The following C8orf34 variants were observed in gnomAD, a reference collection of about 807,000 sequenced individuals.
C8orf34 encodes the protein chromosome 8 open reading frame 34, also known as uncharacterized protein C8orf34.
A neutral mutation model predicts 68.3 loss-of-function variants in C8orf34; 65 were observed. The ratio of observed to expected loss-of-function variants is 0.95; its 90% CI spans 0.78 to 1.17. The LOEUF is 1.17. C8orf34 is among the 50% of genes most tolerant of loss of function. C8orf34 has a pLI of 0.00. For missense variants in C8orf34, 664 were observed against 655.4 expected (o/e 1.01, Z -0.14); for synonymous variants, 244 against 241.2 (o/e 1.01, Z -0.11).
At chr8:68,752,350 A>G (rs1310509768) in intron 10 of C8orf34, among the ~76,000 whole-genome samples, 1 of 152,138 alleles carries the variant, frequency 6.6e-6, no homozygotes. Context: ...TTGTAAGTTC[A>G]TTGCTCATCC....
At chr8:68,769,529 C>T (rs1465953420) in intron 10 of C8orf34, among the ~76,000 whole-genome samples, 2 of 151,938 alleles carry the variant, frequency 1.3e-5, no homozygotes, top group African/African-American at 2.4e-5. Flanking sequence ...TTTCTCAGCT[C>T]AAGGTGAAAG....
chr8:68,423,527 C>T (rs1810073398), intron 1 of C8orf34, among the ~76,000 whole-genome samples: 1 of 152,186 alleles, frequency 6.6e-6, no homozygotes, highest in Non-Finnish European at 1.5e-5. Context: ...CCCACATCTT[C>T]CTATCTTCTG....
chr8:68,465,707 A>T (rs1429812925), intron 3 of C8orf34, among the ~76,000 whole-genome samples: 1 of 151,878 alleles, frequency 6.6e-6, no homozygotes, highest in African/African-American at 2.4e-5. Context: ...AAGGACAAAA[A>T]ACCAAACACC....
chr8:68,815,979 G>C, intron 13 of C8orf34, 34 bp downstream of exon 13: 1 of 1,613,188 alleles, frequency 6.2e-7, no homozygotes, highest in Non-Finnish European at 8.5e-7. Flanking sequence ...TATCGATGTC[G>C]GGTAATGGCG....
intron 1 of C8orf34, among the ~76,000 whole-genome samples, chr8:68,369,120 T>G (rs964909252): frequency 6.6e-6 from 1 of 152,226 alleles, no homozygotes; most frequent in Non-Finnish European, 1.5e-5. Flanking sequence ...AGCAGACAAG[T>G]AATAAATATT....
intron 7 of C8orf34, among the ~76,000 whole-genome samples, chr8:68,578,090 A>T (rs1173778715): frequency 6.6e-6 from 1 of 151,982 alleles, no homozygotes; most frequent in South Asian, 2.1e-4. Context: ...AAAATAAAGG[A>T]AGGAAGAAGG....
chr8:68,417,973 G>A (rs1809753529), intron 1 of C8orf34, among the ~76,000 whole-genome samples: 1 of 150,616 alleles, frequency 6.6e-6, no homozygotes, highest in Non-Finnish European at 1.5e-5. Context: ...ATTTCCTTGA[G>A]CAGTGGTTTG....
At chr8:68,516,050 A>G (rs1251638111) in intron 5 of C8orf34, among the ~76,000 whole-genome samples, 1 of 152,224 alleles carries the variant, frequency 6.6e-6, no homozygotes, top group Admixed American at 6.5e-5. Context: ...TTGTGTTCCA[A>G]AAACTTCCTT....
rs537696373 is a variant in C8orf34 at position 68,664,613 on chromosome 8, C to T, written c.1241+24102C>T. On this transcript the variant is annotated intron_variant, in intron 8 of 13. Coordinates refer to ENST00000518698, the MANE Select transcript of C8orf34 (RefSeq NM_052958.4). Reference sequence around the variant, plus strand: ...GTGTTCTGAATATGTTTAAGGTAGGCGAAGCTAAATTATCAGGATGTCACC... The same window carrying T: ...GTGTTCTGAATATGTTTAAGGTAGGTGAAGCTAAATTATCAGGATGTCACC... 6.6e-5 allele frequency among the ~76,000 whole-genome samples: 10 copies of T among 152,182 alleles called. No individual in the cohort carries two copies. The East Asian group carries it at 1.7e-3, about 27-fold the overall frequency.
At chr8:68,681,937 C>T (rs1820382578) in intron 8 of C8orf34, among the ~76,000 whole-genome samples, 1 of 152,086 alleles carries the variant, frequency 6.6e-6, no homozygotes, top group Non-Finnish European at 1.5e-5. Context: ...TTTACATATT[C>T]TCACTTATTT....
intron 1 of C8orf34, among the ~76,000 whole-genome samples, chr8:68,343,227 G>C (rs538987462): frequency 6.6e-6 from 1 of 152,248 alleles, no homozygotes; most frequent in African/African-American, 2.4e-5. Context: ...AAAACCATTT[G>C]CTATTAGAGA....
intron 10 of C8orf34, among the ~76,000 whole-genome samples, chr8:68,773,841 A>T (rs1402976080): frequency 6.6e-6 from 1 of 151,530 alleles, no homozygotes; most frequent in Non-Finnish European, 1.5e-5. Flanking sequence ...TATGACACTG[A>T]CACTAAGGAA....
At chr8:68,809,685 A>T (rs1824588369) in intron 12 of C8orf34, among the ~76,000 whole-genome samples, 1 of 152,230 alleles carries the variant, frequency 6.6e-6, no homozygotes, top group African/African-American at 2.4e-5. Context: ...TACCATCATT[A>T]ATCCCAACCT....
At chr8:68,736,026 G>A (rs1822112145) in intron 10 of C8orf34, among the ~76,000 whole-genome samples, 1 of 152,152 alleles carries the variant, frequency 6.6e-6, no homozygotes, top group Non-Finnish European at 1.5e-5. Context: ...GAAAGCTGAT[G>A]TTCTACATTT....
intron 1 of C8orf34, among the ~76,000 whole-genome samples, chr8:68,360,756 C>CTTTTT (rs397955906): frequency 3.3e-4 from 44 of 134,740 alleles, no homozygotes; most frequent in Non-Finnish European, 3.6e-4. Flanking sequence ...TTCTTCCTTT[C>CTTTTT]TTTTTTTTTT....
intron 7 of C8orf34, among the ~76,000 whole-genome samples, chr8:68,566,921 G>T (rs979338850): frequency 6.6e-6 from 1 of 152,064 alleles, no homozygotes; most frequent in African/African-American, 2.4e-5. Flanking sequence ...TGTTTATGTG[G>T]TGTATCACAC....
chr8:68,733,363 C>T (rs756001594), intron 10 of C8orf34, among the ~76,000 whole-genome samples: 5 of 152,138 alleles, frequency 3.3e-5, no homozygotes, highest in African/African-American at 1.2e-4. Flanking sequence ...ACTCCACGTT[C>T]GCCAAATGTA....
At chr8:68,671,958 T>C (rs1398023890) in intron 8 of C8orf34, among the ~76,000 whole-genome samples, 1 of 152,182 alleles carries the variant, frequency 6.6e-6, no homozygotes, top group African/African-American at 2.4e-5. Flanking sequence ...TCTATCCTTT[T>C]TGAGTTCTCA....
intron 12 of C8orf34, among the ~76,000 whole-genome samples, chr8:68,801,869 T>TAC (rs1450709694): frequency 1.3e-5 from 2 of 150,610 alleles, no homozygotes; most frequent in Non-Finnish European, 2.9e-5. Flanking sequence ...CCTCTGTGAT[T>TAC]ACTGTGTTGT....
Sources: allele counts gnomAD v4.1 joint callset (sites outside exome capture counted in the v4.1 genomes callset), GRCh38; gene constraint gnomAD v4.1.1; transcripts MANE v1.5; gene names NCBI Gene and HGNC (gene_info 2026-07-23, HGNC 2026-07-21).